Variants in TRIM2 observed in about 807,000 individuals in gnomAD.
TRIM2 encodes the protein tripartite motif-containing protein 2.
TRIM2 carries 20 observed loss-of-function variants against 75.2 expected under a neutral mutation model. The observed-to-expected ratio is 0.27, with a 90% CI of 0.19 to 0.39. TRIM2 has a LOEUF of 0.39. TRIM2 is among the 10% of genes least tolerant of loss of function. The probability of loss-of-function intolerance (pLI) is 1.00; values close to 1 mark genes in which losing one functional copy is unlikely to be tolerated. For missense variants in TRIM2, 660 were observed against 990.8 expected, an observed-to-expected ratio of 0.67 and a Z score of 4.48; for synonymous variants, 373 against 388.3, an observed-to-expected ratio of 0.96 and a Z score of 0.46.
chr4:153,256,838 G>A (rs56284167), intron 1 of TRIM2, among the ~76,000 whole-genome samples: 18,339 of 152,202 alleles, frequency 0.12, 1,165 homozygotes, highest in African/African-American at 0.14. Flanking sequence ...TTGTGGAACC[G>A]TACTTTATAG....
chr4:153,177,392 A>G (rs907971275), intron 1 of TRIM2, among the ~76,000 whole-genome samples: 2 of 152,222 alleles, frequency 1.3e-5, no homozygotes, highest in African/African-American at 4.8e-5. Flanking sequence ...GCAGTGGCTC[A>G]TGCCTGTAAT....
At chr4:153,209,296 A>G (rs577802597) in intron 1 of TRIM2, among the ~76,000 whole-genome samples, 1 of 152,302 alleles carries the variant, frequency 6.6e-6, no homozygotes, top group East Asian at 1.9e-4. Context: ...CACACTTATT[A>G]GCATGCTGTT....
rs1056503846 is a variant in TRIM2, at chr4:153,204,512, A to G, written c.-19A>G. 40 of 1,551,552 alleles carry G rather than the reference A, an allele frequency of 2.6e-5. No homozygotes were observed. The highest frequency in any genetic ancestry group is 3.3e-5 in the Non-Finnish European group (38 of 1,147,002). ...GGGAGCTAAGTCCCCAGATTGGAGG[A>G]GGCTGGCTCTGGTCTTCGATGCACA... On this transcript the variant is annotated 5_prime_UTR_variant, in exon 1 of 12. Coordinates refer to ENST00000338700, the MANE Select transcript of TRIM2 (RefSeq NM_015271.5).
intron 1 of TRIM2, among the ~76,000 whole-genome samples, chr4:153,185,822 G>T (rs952666222): frequency 1.3e-5 from 2 of 152,096 alleles, no homozygotes; most frequent in Non-Finnish European, 2.9e-5. Context: ...GATTCCTGGG[G>T]GCCAGTTAAC....
At position 153,295,276 on chromosome 4, in the gene TRIM2, G is replaced by A. The variant is rs767435896; in HGVS notation, c.787-37G>A. ...ACTGCCCCGGGCTAGGCCCCGCCCT[G>A]TGGGACGAGCTCACCAGGCCTCCGG... is the stretch of plus-strand genomic sequence containing the variant. On this transcript the variant is annotated intron_variant, in intron 5 of 11. Coordinates refer to ENST00000338700, the MANE Select transcript of TRIM2 (RefSeq NM_015271.5). The surrounding 1 kb of genome is among the most constrained non-coding windows in gnomAD (Gnocchi z 7.2). 10 of 1,530,908 alleles carry A rather than the reference G, an allele frequency of 6.5e-6. No individual in the cohort carries two copies. In the African/African-American group the frequency reaches 1.1e-4, roughly 17 times the overall value. 94.8% of individuals were successfully genotyped at this position (1,530,908 alleles called of 1,614,324 possible).
At chr4:153,188,767 G>A (rs1434950318) in intron 1 of TRIM2, among the ~76,000 whole-genome samples, 1 of 151,476 alleles carries the variant, frequency 6.6e-6, no homozygotes, top group Non-Finnish European at 1.5e-5. Flanking sequence ...AAAAAAGGAA[G>A]GATGAGGAAA....
intron 1 of TRIM2, among the ~76,000 whole-genome samples, chr4:153,205,816 G>C (rs1186356854): frequency 1.3e-5 from 2 of 152,170 alleles, no homozygotes; most frequent in East Asian, 1.9e-4. Context: ...AATACAAAGG[G>C]TGTTTTTCAA....
intron 1 of TRIM2, among the ~76,000 whole-genome samples, chr4:153,210,776 G>A (rs550297901): frequency 6.6e-6 from 1 of 152,230 alleles, no homozygotes; most frequent in African/African-American, 2.4e-5. Context: ...GGACATACTG[G>A]AGGCACAGCA....
At chr4:153,271,743 A>T (rs979570194) in intron 2 of TRIM2, among the ~76,000 whole-genome samples, 10 of 152,164 alleles carry the variant, frequency 6.6e-5, no homozygotes, top group Admixed American at 6.5e-4. Context: ...TGCACCTAAA[A>T]CATGAATACC....
At chr4:153,225,299 G>A (rs1051947552) in intron 1 of TRIM2, among the ~76,000 whole-genome samples, 3 of 152,144 alleles carry the variant, frequency 2.0e-5, no homozygotes, top group South Asian at 2.1e-4. Flanking sequence ...TTATGCTGGC[G>A]GGTCAGCACC....
At chr4:153,203,930 G>A (rs193291677), upstream of TRIM2, among the ~76,000 whole-genome samples, 52 of 149,420 alleles carry the variant, frequency 3.5e-4, no homozygotes, top group African/African-American at 1.3e-3. Flanking sequence ...AAATAAAGAT[G>A]TGCCAATCAA....
At chr4:153,322,532 T>C (rs1389860439) in intron 8 of TRIM2, 116 bp from the exon 9 acceptor site, 1 of 1,132,310 alleles carries the variant, frequency 8.8e-7, no homozygotes, top group African/African-American at 1.6e-5. Flanking sequence ...AGTAGCTGTG[T>C]ACCCGTTTGA....
chr4:153,284,141 A>G (rs1301131996), intron 3 of TRIM2, among the ~76,000 whole-genome samples: 1 of 150,780 alleles, frequency 6.6e-6, no homozygotes, highest in East Asian at 1.9e-4. Context: ...GGCCTCCCAA[A>G]GTGCTGGGAT....
At chr4:153,302,175 G>A (rs184660101) in intron 6 of TRIM2, among the ~76,000 whole-genome samples, 2 of 152,112 alleles carry the variant, frequency 1.3e-5, no homozygotes, top group Admixed American at 1.3e-4. Context: ...TCTGTGTACA[G>A]ATCTTTTACC....
chr4:153,270,471 G>A lies in TRIM2; in HGVS notation c.167G>A (p.Arg56Gln), dbSNP rs1418080739. 3.1e-6 allele frequency: 5 copies of A among 1,613,314 alleles called. No individual in the cohort carries two copies. The highest frequency in any genetic ancestry group is 4.2e-6 in the Non-Finnish European group (5 of 1,179,668). ...QFLICSICLE[R>Q]YKNPKVLPCL... The stretch of plus-strand genomic sequence containing the variant: ...CTGATTTGCAGTATATGCCTGGAAC[G>A]GTACAAGAATCCCAAGGTTCTCCCC... Residue 56 changes from arginine (R) to glutamine (Q), a missense_variant, in exon 2 of 12, where the codon CGG becomes CAG. Physicochemically the swap from Arg to Gln is conservative, Grantham distance 43. Coordinates refer to ENST00000338700, the MANE Select transcript of TRIM2 (RefSeq NM_015271.5).
intron 1 of TRIM2, among the ~76,000 whole-genome samples, chr4:153,260,726 A>ACACACACACACACACACACACAC (rs768881075): frequency 9.8e-6 from 1 of 101,578 alleles, no homozygotes; most frequent in African/African-American, 3.8e-5. Context: ...ACACACACAC[A>ACACACACACACACACACACACAC]TCATCATCAT....
intron 8 of TRIM2, among the ~76,000 whole-genome samples, chr4:153,320,770 T>C (rs1768766764): frequency 6.6e-6 from 1 of 152,084 alleles, no homozygotes; most frequent in East Asian, 1.9e-4. Context: ...GTAGCTGGAA[T>C]TATAGGCACC....
chr4:153,312,443 A>G (rs1579609044), intron 6 of TRIM2, among the ~76,000 whole-genome samples: 1 of 152,092 alleles, frequency 6.6e-6, no homozygotes, highest in African/African-American at 2.4e-5. Context: ...GCAGCCAAAA[A>G]ACACATGAAA....
At position 153,163,247 on chromosome 4, in the gene TRIM2, G is replaced by A. The variant is rs534986565; in HGVS notation, c.-49+9977G>A. ...GTTGCCCAGGCTGGAGTGCAGGGGC[G>A]CAATCTTGGCCCACTACAGCCTCCA... On this transcript the variant is annotated intron_variant, in intron 1 of 11. Coordinates refer to the TRIM2 transcript ENST00000437508. 1.6e-4 allele frequency among the ~76,000 whole-genome samples: 25 copies of A among 151,850 alleles called. 1 individual carries two copies. The highest frequency in any genetic ancestry group is 8.3e-4 in the South Asian group (4 of 4,802).
Sources: allele counts gnomAD v4.1 joint callset (sites outside exome capture counted in the v4.1 genomes callset), GRCh38; gene constraint gnomAD v4.1.1; non-coding constraint Gnocchi (gnomAD v3.1); transcripts MANE v1.5; gene names NCBI Gene and HGNC (gene_info 2026-07-23, HGNC 2026-07-21).